The following SUPT3H variants were observed in gnomAD, a reference collection of about 807,000 sequenced individuals.
SUPT3H encodes transcription initiation protein SPT3 homolog.
Under a neutral mutation model 44.3 loss-of-function variants are expected in SUPT3H, and 44 were observed. That is an observed-to-expected ratio of 0.99 (90% confidence interval 0.78 to 1.28). The LOEUF (loss-of-function observed/expected upper bound fraction) is 1.28. Ranked by LOEUF, SUPT3H falls within the 50% of genes most tolerant of loss-of-function variation. The probability of loss-of-function intolerance (pLI) is 0.00; values close to 1 mark genes in which losing one functional copy is unlikely to be tolerated. For synonymous variants in SUPT3H, 124 were observed against 125.6 expected (o/e 0.99, Z 0.09); for missense variants, 380 against 387.1 (o/e 0.98, Z 0.15).
chr6:45,367,365 A>G (rs1795318345), intron 1 of SUPT3H, among the ~76,000 whole-genome samples: 1 of 152,176 alleles, frequency 6.6e-6, no homozygotes. Flanking sequence ...TTTTAAGCCT[A>G]AATTTGTGCC....
rs1027734333 is a variant in SUPT3H at position 44,827,631 on chromosome 6, C to T, written c.*2185G>A. ...CTTAAACATTCCTTCTGTAAATTTTCTTTTGTTTCTATAGTCACTGCTGAA... is the reference window on the plus strand; with the variant it reads ...CTTAAACATTCCTTCTGTAAATTTTTTTTTGTTTCTATAGTCACTGCTGAA... On this transcript the variant is annotated 3_prime_UTR_variant, in exon 11 of 11. Coordinates refer to ENST00000371459, the MANE Select transcript of SUPT3H (RefSeq NM_003599.4). Among the ~76,000 whole-genome samples, 1 of 151,986 alleles carries T rather than the reference C, an allele frequency of 6.6e-6. No individual in the cohort carries two copies.
At chr6:44,818,307 T>C (rs937282601) in intron 11 of SUPT3H, among the ~76,000 whole-genome samples, 5 of 152,082 alleles carry the variant, frequency 3.3e-5, no homozygotes, top group African/African-American at 9.7e-5. Context: ...ATTAATACCA[T>C]ATACAAAGTC....
Position 45,377,757 on chromosome 6 carries a change from A to G in SUPT3H, c.-1+11T>C, listed in dbSNP as rs1333732846. 6.6e-6 allele frequency: 1 copy of G among 152,168 alleles called. No individual in the cohort carries two copies. Among genetic ancestry groups the G allele is most frequent in the Non-Finnish European group, 1.5e-5 (1 of 68,090 alleles). 9.4% of individuals were successfully genotyped at this position (152,168 alleles called of 1,614,324 possible). A position where few individuals can be genotyped will look rare whatever the true frequency, so the allele number is the denominator to read the frequency against. ...CCGAATCCCCGCACCGCCCCCCGCA[A>G]GCCCTACAACCTCTGCTTTAAGAAC... On this transcript the variant is annotated intron_variant, in intron 1 of 10. Coordinates refer to ENST00000371459, the MANE Select transcript of SUPT3H (RefSeq NM_003599.4).
At chr6:45,024,023 G>C (rs547080723) in intron 3 of SUPT3H, among the ~76,000 whole-genome samples, 1 of 152,226 alleles carries the variant, frequency 6.6e-6, no homozygotes, top group East Asian at 1.9e-4. Context: ...GTAGAACTGG[G>C]AAACCAATAT....
intron 2 of SUPT3H, among the ~76,000 whole-genome samples, chr6:45,208,567 T>C (rs1467886675): frequency 6.6e-6 from 1 of 151,738 alleles, no homozygotes; most frequent in East Asian, 1.9e-4. Flanking sequence ...CTACTAAAGA[T>C]ACAAAAATTA....
chr6:45,086,146 A>G (rs1164314156), intron 3 of SUPT3H, among the ~76,000 whole-genome samples: 1 of 152,024 alleles, frequency 6.6e-6, no homozygotes, highest in Non-Finnish European at 1.5e-5. Flanking sequence ...TTTTCATCCT[A>G]TTAGTAATAT....
chr6:45,265,034 G>A (rs754525462), intron 2 of SUPT3H, among the ~76,000 whole-genome samples: 97 of 152,046 alleles, frequency 6.4e-4, no homozygotes, highest in Admixed American at 2.6e-3. Flanking sequence ...GAAGACAACA[G>A]CTCTAGTTAC....
At chr6:45,341,201 C>T (rs562434604) in intron 2 of SUPT3H, among the ~76,000 whole-genome samples, 49 of 152,210 alleles carry the variant, frequency 3.2e-4, no homozygotes, top group Admixed American at 1.1e-3. Flanking sequence ...AAAAGTGCTC[C>T]GCTTTTTTCT....
At chr6:45,020,280 T>A (rs187670810) in intron 4 of SUPT3H, among the ~76,000 whole-genome samples, 2 of 152,054 alleles carry the variant, frequency 1.3e-5, no homozygotes, top group Admixed American at 1.3e-4. Context: ...GTGAGTATCA[T>A]GTAGCAATGA....
intron 2 of SUPT3H, among the ~76,000 whole-genome samples, chr6:45,298,328 A>G (rs770971553): frequency 6.6e-6 from 1 of 152,134 alleles, no homozygotes; most frequent in Non-Finnish European, 1.5e-5. Context: ...AAAAACTAAA[A>G]TTATTTTTGT....
downstream of SUPT3H, among the ~76,000 whole-genome samples, chr6:44,822,649 A>G (rs1767415688): frequency 6.6e-6 from 1 of 152,208 alleles, no homozygotes; most frequent in South Asian, 2.1e-4. Context: ...AAAGGCCACA[A>G]GAAACCTGAT....
chr6:45,152,308 T>C (rs1025810805), intron 2 of SUPT3H, among the ~76,000 whole-genome samples: 2 of 152,196 alleles, frequency 1.3e-5, no homozygotes, highest in African/African-American at 4.8e-5. Context: ...TAGCAAATCT[T>C]GCGAGCTACC....
chr6:45,074,706 C>T (rs1412137412), intron 3 of SUPT3H, among the ~76,000 whole-genome samples: 1 of 151,960 alleles, frequency 6.6e-6, no homozygotes, highest in African/African-American at 2.4e-5. Flanking sequence ...TTCTAAAGTA[C>T]AGGAAATACT....
chr6:45,239,269 G>A (rs1280128359), intron 2 of SUPT3H, among the ~76,000 whole-genome samples: 7 of 152,136 alleles, frequency 4.6e-5, no homozygotes, highest in South Asian at 4.1e-4. Context: ...CCCTTTTTAC[G>A]TTACTCATAT....
At chr6:44,887,256 C>A (rs1762468055) in intron 10 of SUPT3H, among the ~76,000 whole-genome samples, 1 of 152,158 alleles carries the variant, frequency 6.6e-6, no homozygotes, top group Admixed American at 6.5e-5. Flanking sequence ...CTCAGCTCTG[C>A]ACCAAGCTGA....
intron 2 of SUPT3H, among the ~76,000 whole-genome samples, chr6:45,237,370 G>A (rs963411803): frequency 8.5e-5 from 13 of 152,180 alleles, no homozygotes; most frequent in East Asian, 1.9e-4. Flanking sequence ...TGAAGGACCC[G>A]ATGGACAACC....
At chr6:44,856,299 G>C (rs1462427629) in intron 10 of SUPT3H, among the ~76,000 whole-genome samples, 1 of 152,134 alleles carries the variant, frequency 6.6e-6, no homozygotes, top group East Asian at 1.9e-4. Context: ...AAGACAGCTA[G>C]TCTCTTCCCT....
chr6:45,373,644 G>A (rs890925067), intron 1 of SUPT3H, among the ~76,000 whole-genome samples: 3 of 152,024 alleles, frequency 2.0e-5, no homozygotes, highest in Non-Finnish European at 4.4e-5. Context: ...TCCGCCTCCC[G>A]GGTTCAAGCG....
At chr6:45,132,734 A>T (rs1416852972) in intron 2 of SUPT3H, among the ~76,000 whole-genome samples, 3 of 152,188 alleles carry the variant, frequency 2.0e-5, no homozygotes, top group Admixed American at 6.5e-5. Context: ...TTCTATTCTT[A>T]AAAAAATTTC....
Sources: gnomAD v4.1 joint callset for allele counts (sites outside exome capture counted in the v4.1 genomes callset) on GRCh38, gnomAD v4.1.1 for gene constraint, MANE v1.5 for transcripts, NCBI Gene and HGNC (gene_info 2026-07-23, HGNC 2026-07-21) for gene names.